The following CMSS1 variants were observed in gnomAD, a reference collection of about 807,000 sequenced individuals.
CMSS1 encodes the protein protein CMSS1.
In CMSS1, 33 loss-of-function variants were observed where a neutral mutation model predicts 43.5. The observed-to-expected ratio is 0.76, with a 90% CI of 0.57 to 1.01. The LOEUF is 1.01. CMSS1 is among the 50% of genes least tolerant of loss of function. The probability of loss-of-function intolerance (pLI) is 0.00; values close to 1 mark genes in which losing one functional copy is unlikely to be tolerated. For synonymous variants in CMSS1, 115 were observed against 117.2 expected (o/e 0.98, Z 0.12); for missense variants, 313 against 326.4 (o/e 0.96, Z 0.32).
intron 6 of CMSS1, 61 bp from the exon 7 acceptor site, chr3:100,171,778 T>C (rs1316641823): frequency 7.9e-7 from 1 of 1,265,940 alleles, no homozygotes. Flanking sequence ...AATACTTAAG[T>C]AGTCATCGTG....
At chr3:99,892,066 G>C (rs1002726702) in intron 1 of CMSS1, among the ~76,000 whole-genome samples, 2 of 152,172 alleles carry the variant, frequency 1.3e-5, no homozygotes, top group African/African-American at 4.8e-5. Flanking sequence ...AAAGAGGGAT[G>C]GTCTAAGAGC....
chr3:100,167,408 C>T (rs553897394), intron 5 of CMSS1, among the ~76,000 whole-genome samples: 2 of 152,286 alleles, frequency 1.3e-5, no homozygotes, highest in African/African-American at 4.8e-5. Flanking sequence ...ATTGAATCAG[C>T]ATTTGTTTCC....
chr3:99,960,283 A>G (rs1010050869), intron 1 of CMSS1, among the ~76,000 whole-genome samples: 5 of 152,132 alleles, frequency 3.3e-5, no homozygotes, highest in Non-Finnish European at 7.3e-5. Context: ...CAACAACACT[A>G]TGAGGTAGGT....
intron 1 of CMSS1, among the ~76,000 whole-genome samples, chr3:99,841,443 C>T (rs753617376): frequency 2.0e-5 from 3 of 152,190 alleles, no homozygotes; most frequent in Non-Finnish European, 4.4e-5. Context: ...TCTAAAAGGT[C>T]CTCTCTCGGA....
chr3:100,119,588 A>G (rs1037435679), intron 1 of CMSS1, among the ~76,000 whole-genome samples: 2 of 152,244 alleles, frequency 1.3e-5, no homozygotes, highest in Non-Finnish European at 2.9e-5. Flanking sequence ...CATAGAATTG[A>G]TGCATCTTTG....
intron 1 of CMSS1, among the ~76,000 whole-genome samples, chr3:99,960,988 T>G (rs1277629040): frequency 6.6e-6 from 1 of 152,218 alleles, no homozygotes; most frequent in Non-Finnish European, 1.5e-5. Flanking sequence ...GGTGTGTGCA[T>G]GCGTGTGTGC....
At chr3:100,076,877 A>T (rs1450836709) in intron 1 of CMSS1, among the ~76,000 whole-genome samples, 1 of 152,208 alleles carries the variant, frequency 6.6e-6, no homozygotes, top group African/African-American at 2.4e-5. Context: ...TTTCTTGCCC[A>T]CTATTATGTC....
Position 100,012,365 on chromosome 3 carries a change from CATCAT to C in CMSS1, c.65-134602_65-134598del, listed in dbSNP as rs148382569. 7.2e-3 allele frequency among the ~76,000 whole-genome samples: 1,101 copies of C among 152,212 alleles called. 19 individuals are homozygous for C. Among genetic ancestry groups the C allele is most frequent in the African/African-American group, 0.024 (1,014 of 41,530 alleles). ...CTTTCCTGAGAATCTCTAGTTTTCT[CATCAT>C]ATCATTAAAAGCCCAAAACGAAACA... On this transcript the variant is annotated intron_variant, in intron 1 of 9. Coordinates refer to ENST00000421999, the MANE Select transcript of CMSS1 (RefSeq NM_032359.4).
chr3:100,115,611 C>G (rs965052660), intron 1 of CMSS1, among the ~76,000 whole-genome samples: 19 of 136,524 alleles, frequency 1.4e-4, no homozygotes, highest in African/African-American at 5.0e-4. Context: ...CTCTCTCTCT[C>G]TCTCTCTCTC....
intron 1 of CMSS1, among the ~76,000 whole-genome samples, chr3:100,028,455 G>T (rs2107252913): frequency 6.6e-6 from 1 of 152,198 alleles, no homozygotes; most frequent in South Asian, 2.1e-4. Flanking sequence ...TTTTTCTGTT[G>T]TTCCTTGTAA....
intron 1 of CMSS1, among the ~76,000 whole-genome samples, chr3:99,830,992 T>C (rs983252546): frequency 1.4e-4 from 22 of 152,214 alleles, no homozygotes; most frequent in Non-Finnish European, 2.9e-5. Context: ...GCATTTGACT[T>C]GGGCCTTCAG....
chr3:100,141,334 A>C lies in CMSS1; in HGVS notation c.65-5639A>C, dbSNP rs112426399. Among the ~76,000 whole-genome samples the C allele has an allele frequency of 8.1e-4, 124 of 152,368 alleles. 1 individual carries two copies. The highest frequency in any genetic ancestry group is 2.8e-3 in the African/African-American group (118 of 41,594). ...ATCCCATTAAATTCAAACTAAATGT[A>C]TGTGCAACTAGCTTCCTCTAAATGG... On this transcript the variant is annotated intron_variant, in intron 1 of 9. Coordinates refer to ENST00000421999, the MANE Select transcript of CMSS1 (RefSeq NM_032359.4).
At chr3:99,824,285 G>C (rs141170029) in intron 1 of CMSS1, among the ~76,000 whole-genome samples, 2 of 152,116 alleles carry the variant, frequency 1.3e-5, no homozygotes, top group Non-Finnish European at 2.9e-5. Flanking sequence ...GGCGCTTCCT[G>C]ATCAGGCAGT....
At position 100,153,200 on chromosome 3, in the gene CMSS1, G is replaced by A. The variant is rs137872179; in HGVS notation, c.153+6139G>A. ...CTTTCATGCCACCTGGGTCAATCAC[G>A]ATGCTAAATTCCTTGCCTCAGAGGC... On this transcript the variant is annotated intron_variant, in intron 2 of 9. Transcript: ENST00000421999. Among the ~76,000 whole-genome samples, 545 of 152,174 alleles carry A rather than the reference G, an allele frequency of 3.6e-3. 2 individuals carry two copies. The highest frequency in any genetic ancestry group is 0.012 in the African/African-American group (518 of 41,522).
chr3:100,029,920 G>A (rs914847064), intron 1 of CMSS1, among the ~76,000 whole-genome samples: 2 of 152,136 alleles, frequency 1.3e-5, no homozygotes, highest in Admixed American at 1.3e-4. Flanking sequence ...AAGAGATCTT[G>A]GAACGTTTAG....
intron 1 of CMSS1, chr3:99,848,095 A>G (rs960975494): frequency 2.9e-6 from 4 of 1,393,884 alleles, no homozygotes; most frequent in Middle Eastern, 5.2e-4. Flanking sequence ...ATATACAGTA[A>G]GTGCACACTC....
intron 1 of CMSS1, among the ~76,000 whole-genome samples, chr3:99,938,421 A>G (rs1325129036): frequency 3.9e-5 from 6 of 152,226 alleles, no homozygotes; most frequent in Admixed American, 3.9e-4. Flanking sequence ...ACTGCATAAC[A>G]CGGAGTGAGT....
At chr3:99,966,296 G>A (rs1274727619) in intron 1 of CMSS1, among the ~76,000 whole-genome samples, 1 of 152,050 alleles carries the variant, frequency 6.6e-6, no homozygotes, top group Non-Finnish European at 1.5e-5. Context: ...AGATCTCCTG[G>A]GGCAAAGCAG....
At chr3:100,066,060 T>TA (rs1176347859) in intron 1 of CMSS1, among the ~76,000 whole-genome samples, 1 of 152,242 alleles carries the variant, frequency 6.6e-6, no homozygotes, top group Non-Finnish European at 1.5e-5. Flanking sequence ...GCCACTGCTA[T>TA]AAGGGATAAG....
Sources: gnomAD v4.1 joint callset for allele counts (sites outside exome capture counted in the v4.1 genomes callset) on GRCh38, gnomAD v4.1.1 for gene constraint, MANE v1.5 for transcripts, NCBI Gene and HGNC (gene_info 2026-07-23, HGNC 2026-07-21) for gene names.